Variants in TTC39B observed in about 807,000 individuals in gnomAD.
TTC39B encodes the protein tetratricopeptide repeat protein 39B.
Under a neutral mutation model 96.6 loss-of-function variants are expected in TTC39B, and 92 were observed. The observed-to-expected ratio is 0.95, with a 90% CI of 0.80 to 1.13. The LOEUF (loss-of-function observed/expected upper bound fraction) is 1.13. Ranked by LOEUF, TTC39B falls within the 50% of genes most tolerant of loss-of-function variation. The pLI, the probability that TTC39B is intolerant of heterozygous loss-of-function variation, is 0.00. For synonymous variants in TTC39B, 367 were observed against 299.4 expected, an observed-to-expected ratio of 1.23 and a Z score of -2.33; for missense variants, 955 against 809.3, an observed-to-expected ratio of 1.18 and a Z score of -2.18.
chr9:15,214,159 G>T (rs368119424), exon 4 of TTC39B: 87 of 1,613,710 alleles, frequency 5.4e-5, no homozygotes, highest in Admixed American at 1.7e-5. Context: ...GCAATTCTAA[G>T]GCGTCTGTAA....
intron 6 of TTC39B, among the ~76,000 whole-genome samples, chr9:15,208,641 A>C (rs189015455): frequency 5.9e-5 from 9 of 152,228 alleles, no homozygotes; most frequent in Admixed American, 5.9e-4. Flanking sequence ...GGATAAATAC[A>C]TTCTTACAAA....
At chr9:15,262,172 C>T (rs1265797843) in intron 2 of TTC39B, among the ~76,000 whole-genome samples, 1 of 152,156 alleles carries the variant, frequency 6.6e-6, no homozygotes, top group Non-Finnish European at 1.5e-5. Flanking sequence ...AATCTCAGCT[C>T]ACTGCAACCT....
intron 2 of TTC39B, among the ~76,000 whole-genome samples, chr9:15,241,803 T>C (rs1367558229): frequency 6.7e-6 from 1 of 149,752 alleles, no homozygotes; most frequent in African/African-American, 2.5e-5. Context: ...AGTGCAGTAG[T>C]GGGATCTCAG....
chr9:15,298,357 G>C (rs1378221004), intron 1 of TTC39B, among the ~76,000 whole-genome samples: 1 of 152,120 alleles, frequency 6.6e-6, no homozygotes, highest in African/African-American at 2.4e-5. Flanking sequence ...AATTGTATTA[G>C]TCCATTTTCA....
chr9:15,273,389 T>C (rs1209415859), intron 1 of TTC39B, among the ~76,000 whole-genome samples: 1 of 152,086 alleles, frequency 6.6e-6, no homozygotes, highest in Non-Finnish European at 1.5e-5. Flanking sequence ...GGAAGTAACA[T>C]GACAAAAAAT....
intron 2 of TTC39B, among the ~76,000 whole-genome samples, chr9:15,238,181 C>T (rs1042916516): frequency 3.3e-5 from 5 of 152,194 alleles, no homozygotes; most frequent in Non-Finnish European, 2.9e-5. Context: ...AAAGTTGAAA[C>T]ATTTCCCCTA....
chr9:15,164,962 A>G (rs1817491146), exon 20 of TTC39B: 1 of 152,240 alleles, frequency 6.6e-6, no homozygotes, highest in South Asian at 2.1e-4. Context: ...CTGTTTATGT[A>G]AATTATTTTC....
intron 8 of TTC39B, among the ~76,000 whole-genome samples, chr9:15,195,505 AC>A (rs934760377): frequency 5.9e-5 from 9 of 151,656 alleles, no homozygotes; most frequent in African/African-American, 1.9e-4. Context: ...CCTTGCCTCT[AC>A]TAAAAATACA....
chr9:15,198,091 T>C (rs1459120502), intron 8 of TTC39B, among the ~76,000 whole-genome samples: 1 of 152,014 alleles, frequency 6.6e-6, no homozygotes, highest in Non-Finnish European at 1.5e-5. Context: ...CTACAACATA[T>C]AACTGATTAA....
exon 3 of TTC39B, chr9:15,225,981 G>C (rs1283962712): frequency 1.2e-6 from 2 of 1,613,856 alleles, no homozygotes; most frequent in Non-Finnish European, 1.7e-6. Flanking sequence ...GCAAAGTGAA[G>C]GCTGCTTGTT....
At chr9:15,169,285 G>A (rs1564301329) in exon 20 of TTC39B, 1 of 152,122 alleles carries the variant, frequency 6.6e-6, no homozygotes. Flanking sequence ...GTATCAGGGA[G>A]CATAGAAAAC....
At chr9:15,245,522 C>A (rs1207790288) in intron 2 of TTC39B, among the ~76,000 whole-genome samples, 1 of 152,020 alleles carries the variant, frequency 6.6e-6, no homozygotes, top group East Asian at 1.9e-4. Flanking sequence ...AACAAAAACA[C>A]CTAAGCTAAT....
intron 3 of TTC39B, among the ~76,000 whole-genome samples, chr9:15,215,230 G>C (rs1053364303): frequency 6.6e-6 from 1 of 152,038 alleles, no homozygotes; most frequent in Non-Finnish European, 1.5e-5. Flanking sequence ...CAGCCTGAGC[G>C]ATAGAGACTT....
At chr9:15,300,602 G>C (rs892370248) in intron 1 of TTC39B, among the ~76,000 whole-genome samples, 1 of 152,112 alleles carries the variant, frequency 6.6e-6, no homozygotes, top group Non-Finnish European at 1.5e-5. Flanking sequence ...AACCTTCCAT[G>C]TGGCTGGTTG....
intron 6 of TTC39B, among the ~76,000 whole-genome samples, chr9:15,204,267 G>A (rs183804979): frequency 2.0e-5 from 3 of 152,194 alleles, no homozygotes; most frequent in African/African-American, 4.8e-5. Context: ...GGTGGTTTAC[G>A]CCTGTAATCC....
intron 1 of TTC39B, among the ~76,000 whole-genome samples, chr9:15,301,638 C>T (rs1248256190): frequency 6.6e-6 from 1 of 151,824 alleles, no homozygotes; most frequent in African/African-American, 2.4e-5. Context: ...TGCCTGTAAC[C>T]CCAGCTACTC....
At chr9:15,244,190 A>G (rs1442861275) in intron 2 of TTC39B, among the ~76,000 whole-genome samples, 1 of 152,252 alleles carries the variant, frequency 6.6e-6, no homozygotes, top group African/African-American at 2.4e-5. Context: ...TTCTTTGCTG[A>G]TTTTTTAAAT....
chr9:15,233,870 G>C (rs968938772), intron 2 of TTC39B, among the ~76,000 whole-genome samples: 2 of 151,078 alleles, frequency 1.3e-5, no homozygotes, highest in African/African-American at 2.4e-5. Context: ...TGGAAAGTGA[G>C]GAGCGTCTCT....
intron 1 of TTC39B, among the ~76,000 whole-genome samples, chr9:15,300,390 T>C (rs1197396457): frequency 1.3e-5 from 2 of 152,176 alleles, no homozygotes; most frequent in Non-Finnish European, 2.9e-5. Context: ...AAGTCCTCTT[T>C]CACGTTCTGA....
Sources: gnomAD v4.1 joint callset for allele counts (sites outside exome capture counted in the v4.1 genomes callset) on GRCh38, gnomAD v4.1.1 for gene constraint, MANE v1.5 for transcripts, NCBI Gene and HGNC (gene_info 2026-07-23, HGNC 2026-07-21) for gene names.